CFAP107: variants seen among roughly 807,000 people sequenced by gnomAD.
CFAP107 encodes cilia- and flagella-associated protein 107.
the CFAP107 span, chr1:12,759,527 T>C: frequency 1.2e-6 from 2 of 1,612,080 alleles, no homozygotes; most frequent in Non-Finnish European, 1.7e-6. Context: ...CGTTGGTCTG[T>C]AAAGTTGCAC....
At chr1:12,759,619 T>G in the CFAP107 span, 1 of 1,019,622 alleles carries the variant, frequency 9.8e-7, no homozygotes, top group Non-Finnish European at 1.5e-6. Flanking sequence ...GATGACATAG[T>G]AGGGGCTGAG....
the CFAP107 span, among the ~76,000 whole-genome samples, chr1:12,758,019 A>C: frequency 2.0e-5 from 3 of 152,120 alleles, no homozygotes; most frequent in South Asian, 2.1e-4. Flanking sequence ...CACAAAAACT[A>C]TTCACACTAT....
At chr1:12,751,419 G>A in the CFAP107 span, among the ~76,000 whole-genome samples, 362 of 152,264 alleles carry the variant, frequency 2.4e-3, 4 homozygotes, top group South Asian at 4.6e-3. Context: ...CTGAGGTCAG[G>A]AGTTTGAGAC....
At chr1:12,749,700 A>G in the CFAP107 span, among the ~76,000 whole-genome samples, 8,018 of 152,282 alleles carry the variant, frequency 0.053, 682 homozygotes, top group African/African-American at 0.18. Flanking sequence ...GGGATAATAC[A>G]TTTAAAGTGC....
chr1:12,758,924 T>G, the CFAP107 span, among the ~76,000 whole-genome samples: 2 of 152,168 alleles, frequency 1.3e-5, no homozygotes, highest in Non-Finnish European at 2.9e-5. Context: ...TCCTTGCCCT[T>G]AGGAACAGGC....
chr1:12,755,712 A>G, the CFAP107 span: 1 of 1,611,656 alleles, frequency 6.2e-7, no homozygotes, highest in Non-Finnish European at 8.5e-7. Flanking sequence ...CACCAGAGAC[A>G]CTGACAAGAC....
the CFAP107 span, among the ~76,000 whole-genome samples, chr1:12,754,977 GT>G: frequency 3.3e-5 from 5 of 152,226 alleles, no homozygotes; most frequent in South Asian, 2.1e-4. Flanking sequence ...GAACCGTAGA[GT>G]TGAAAATGGC....
chr1:12,755,713 C>G, the CFAP107 span: 1 of 1,612,054 alleles, frequency 6.2e-7, no homozygotes, highest in Non-Finnish European at 8.5e-7. Flanking sequence ...ACCAGAGACA[C>G]TGACAAGACA....
At chr1:12,755,780 G>A in the CFAP107 span, 7 of 1,613,680 alleles carry the variant, frequency 4.3e-6, no homozygotes, top group Non-Finnish European at 5.9e-6. Context: ...GACCAGACCA[G>A]ATCTCCAGGT....
At chr1:12,751,138 G>A in the CFAP107 span, among the ~76,000 whole-genome samples, 1 of 152,024 alleles carries the variant, frequency 6.6e-6, no homozygotes, top group South Asian at 2.1e-4. Context: ...TGAAAGTACT[G>A]TTAAGAGGGA....
chr1:12,756,785 C>G, the CFAP107 span, among the ~76,000 whole-genome samples: 1 of 152,108 alleles, frequency 6.6e-6, no homozygotes, highest in East Asian at 1.9e-4. Context: ...GCTCAGCGGC[C>G]CGAGGTGTGA....
chr1:12,759,189 C>T, the CFAP107 span: 972 of 1,146,446 alleles, frequency 8.5e-4, 5 homozygotes, highest in South Asian at 5.6e-3. Flanking sequence ...TGCCAGCCCA[C>T]GGATGCCCGC....
the CFAP107 span, chr1:12,755,710 A>G: frequency 6.2e-7 from 1 of 1,611,032 alleles, no homozygotes; most frequent in Non-Finnish European, 8.5e-7. Flanking sequence ...TTCACCAGAG[A>G]CACTGACAAG....
the CFAP107 span, among the ~76,000 whole-genome samples, chr1:12,752,439 G>A: frequency 2.0e-5 from 3 of 151,204 alleles, no homozygotes; most frequent in Admixed American, 6.6e-5. Context: ...ACAAAAATTA[G>A]CTGGGCATAG....
chr1:12,761,173 C>T, the CFAP107 span: 6 of 531,024 alleles, frequency 1.1e-5, no homozygotes, highest in Admixed American at 6.7e-5. Context: ...GACACTATTG[C>T]AGGGCTATGT....
chr1:12,759,047 A>G, the CFAP107 span, among the ~76,000 whole-genome samples: 22 of 152,298 alleles, frequency 1.4e-4, no homozygotes, highest in Admixed American at 1.0e-3. Flanking sequence ...ATGTGCCACC[A>G]TAGCTCATTC....
the CFAP107 span, chr1:12,762,979 G>A: frequency 6.6e-6 from 1 of 152,210 alleles, no homozygotes. Flanking sequence ...CTGAGGTCAG[G>A]AGTTTGTGAC....
the CFAP107 span, among the ~76,000 whole-genome samples, chr1:12,751,681 A>G: frequency 3.3e-5 from 5 of 152,202 alleles, no homozygotes. Flanking sequence ...TTGAAAAATC[A>G]ATAAAATTTA....
At chr1:12,758,943 A>C in the CFAP107 span, among the ~76,000 whole-genome samples, 1 of 152,282 alleles carries the variant, frequency 6.6e-6, no homozygotes, top group Middle Eastern at 3.4e-3. Flanking sequence ...GCTTGGATTC[A>C]TGAGACTTGA....
Sources: gnomAD v4.1 joint callset for allele counts (sites outside exome capture counted in the v4.1 genomes callset) on GRCh38, gnomAD v4.1.1 for gene constraint, MANE v1.5 for transcripts, NCBI Gene and HGNC (gene_info 2026-07-23, HGNC 2026-07-21) for gene names.